The following SREK1IP1 variants were observed in gnomAD, a reference collection of about 807,000 sequenced individuals.
The protein encoded by SREK1IP1 is SREK1 interacting protein 1.
Under a neutral mutation model 22.8 loss-of-function variants are expected in SREK1IP1, and 12 were observed. The ratio of observed to expected loss-of-function variants is 0.53; its 90% CI spans 0.34 to 0.85. The LOEUF is 0.85. SREK1IP1 is among the 40% of genes least tolerant of loss of function. The pLI is 0.02. For missense variants in SREK1IP1, 147 were observed against 171.8 expected (o/e 0.86, Z 0.81); for synonymous variants, 53 against 52.7 (o/e 1.01, Z -0.02).
At chr5:64,765,297 C>T (rs1260390071) in intron 1 of SREK1IP1, among the ~76,000 whole-genome samples, 1 of 152,166 alleles carries the variant, frequency 6.6e-6, no homozygotes, top group Non-Finnish European at 1.5e-5. Flanking sequence ...ACGGGTGAAG[C>T]ACATGATCAT....
At chr5:64,732,974 G>A (rs1742403303) in intron 3 of SREK1IP1, among the ~76,000 whole-genome samples, 1 of 149,536 alleles carries the variant, frequency 6.7e-6, no homozygotes, top group Non-Finnish European at 1.5e-5. Context: ...TTTAAGAAAT[G>A]GTGTTGGAAC....
At chr5:64,738,317 A>C (rs1742498136) in intron 3 of SREK1IP1, among the ~76,000 whole-genome samples, 1 of 152,224 alleles carries the variant, frequency 6.6e-6, no homozygotes, top group Admixed American at 6.5e-5. Context: ...AGGAAGGCTA[A>C]AAATCAAATG....
At chr5:64,726,717 T>G (rs1017511050) in intron 4 of SREK1IP1, among the ~76,000 whole-genome samples, 1 of 152,110 alleles carries the variant, frequency 6.6e-6, no homozygotes, top group Non-Finnish European at 1.5e-5. Flanking sequence ...TGCCCTTAAA[T>G]ATGCTCAGAA....
At chr5:64,757,538 G>C (rs1742863909) in intron 1 of SREK1IP1, among the ~76,000 whole-genome samples, 1 of 152,188 alleles carries the variant, frequency 6.6e-6, no homozygotes, top group Non-Finnish European at 1.5e-5. Flanking sequence ...AGTAAATGCA[G>C]AACATTGCAT....
In SREK1IP1 at chr5:64,753,396, G is replaced by A. The variant is rs115427092; in HGVS notation, c.61+919C>T. On this transcript the variant is annotated intron_variant, in intron 2 of 4. Transcript: ENST00000513458. ...AGATTTCATTGCACTCATTTCTTGC[G>A]TGCAAGTACATTCTTCAGTTTTCAT... Among the ~76,000 whole-genome samples the A allele has an allele frequency of 3.8e-3, 574 of 152,266 alleles. 5 individuals carry two copies. Among genetic ancestry groups the A allele is most frequent in the African/African-American group, 0.012 (493 of 41,550 alleles).
chr5:64,739,989 G>A (rs765813991), intron 3 of SREK1IP1, among the ~76,000 whole-genome samples: 11 of 152,078 alleles, frequency 7.2e-5, no homozygotes, highest in Non-Finnish European at 1.0e-4. Flanking sequence ...CCTTGTCTAA[G>A]ATTATATTCA....
chr5:64,730,248 C>T (rs1313043012), intron 3 of SREK1IP1, among the ~76,000 whole-genome samples: 1 of 152,058 alleles, frequency 6.6e-6, no homozygotes, highest in Admixed American at 6.5e-5. Flanking sequence ...GATATAAAAA[C>T]GCCAAATAAA....
At position 64,728,103 on chromosome 5, in the gene SREK1IP1, A is replaced by G. The variant is rs1318269779; in HGVS notation, c.278+4T>C. ...TGTTTTTTAAAATGTTGTTCAAAAA[A>G]TACCTTTTCCTTTTTTTTTTCAATT... On this transcript the variant is annotated splice_donor_region_variant and intron_variant, in intron 4 of 4. Transcript: ENST00000513458. 2.9e-6 allele frequency: 4 copies of G among 1,370,190 alleles called. No individual in the cohort carries two copies. Among genetic ancestry groups the G allele is most frequent in the Non-Finnish European group, 3.8e-6 (4 of 1,053,992 alleles). The allele number at this position is 1,370,190 out of a possible 1,614,324, so 84.9% of individuals were successfully genotyped here.
chr5:64,730,289 AG>A (rs1227705217), intron 3 of SREK1IP1, among the ~76,000 whole-genome samples: 2 of 152,216 alleles, frequency 1.3e-5, no homozygotes, highest in African/African-American at 2.4e-5. Context: ...GACCTTGACA[AG>A]TGGACTGAAA....
intron 2 of SREK1IP1, among the ~76,000 whole-genome samples, chr5:64,750,134 T>C (rs1742715769): frequency 6.6e-6 from 1 of 152,218 alleles, no homozygotes. Flanking sequence ...ATAGCTTTTC[T>C]GGGTTCCCTG....
At chr5:64,757,431 C>T (rs764550791) in intron 1 of SREK1IP1, among the ~76,000 whole-genome samples, 3 of 152,154 alleles carry the variant, frequency 2.0e-5, no homozygotes, top group African/African-American at 4.8e-5. Flanking sequence ...TGTTCTACTA[C>T]AATACTTGTT....
intron 1 of SREK1IP1, among the ~76,000 whole-genome samples, chr5:64,765,485 AG>A (rs1423171902): frequency 1.3e-5 from 2 of 152,212 alleles, no homozygotes; most frequent in African/African-American, 4.8e-5. Flanking sequence ...AACCTTGAAA[AG>A]TTTAGATTAG....
At chr5:64,747,336 A>T (rs906308650) in intron 2 of SREK1IP1, among the ~76,000 whole-genome samples, 1 of 152,086 alleles carries the variant, frequency 6.6e-6, no homozygotes, top group Non-Finnish European at 1.5e-5. Flanking sequence ...TCCATCCTGA[A>T]ATTATCTAGG....
At position 64,754,491 on chromosome 5, in the gene SREK1IP1, G is replaced by A. The variant is rs188050207; in HGVS notation, c.14-129C>T. ...TCTTTTTTTTTGTTGTTGAGACAAG[G>A]TGTCACTCTGTCACCAAGGCTAGAG... On this transcript the variant is annotated intron_variant, in intron 1 of 4. Transcript: ENST00000513458. 40 of 810,946 alleles carry A rather than the reference G, an allele frequency of 4.9e-5. No individual in the cohort carries two copies. The African/African-American group carries it at 5.6e-4, about 11-fold the overall frequency. 50.2% of individuals were successfully genotyped at this position (810,946 alleles called of 1,614,324 possible).
Position 64,724,290 on chromosome 5 carries a change from T to A in SREK1IP1, c.*94A>T. The A allele has an allele frequency of 9.0e-7, 1 of 1,106,376 alleles. No individual in the cohort carries two copies. Among genetic ancestry groups the A allele is most frequent in the East Asian group, 2.5e-5 (1 of 40,166 alleles). 68.5% of individuals were successfully genotyped at this position (1,106,376 alleles called of 1,614,324 possible). A position where few individuals can be genotyped will look rare whatever the true frequency, so the allele number is the denominator to read the frequency against. On this transcript the variant is annotated 3_prime_UTR_variant, in exon 5 of 5. Transcript: ENST00000513458. The stretch of plus-strand genomic sequence containing the variant: ...TGTCTATATGGAAAAGGCTGTGATT[T>A]ATTGCAAAGCATAATATATAGCAAA...
chr5:64,761,824 T>G (rs1291916944), intron 1 of SREK1IP1, among the ~76,000 whole-genome samples: 6 of 152,242 alleles, frequency 3.9e-5, no homozygotes, highest in African/African-American at 1.4e-4. Context: ...CAAACATTTG[T>G]GATCTGTGCT....
intron 1 of SREK1IP1, among the ~76,000 whole-genome samples, chr5:64,762,862 G>A (rs1742974145): frequency 6.6e-6 from 1 of 151,898 alleles, no homozygotes; most frequent in Non-Finnish European, 1.5e-5. Context: ...GACCAACCTG[G>A]GCAATATGGT....
chr5:64,721,748 C>T lies in SREK1IP1; in HGVS notation c.*2636G>A, dbSNP rs1437183076. 1 of 152,052 alleles carries T rather than the reference C, an allele frequency of 6.6e-6. No individual in the cohort carries two copies. The highest frequency in any genetic ancestry group is 1.5e-5 in the Non-Finnish European group (1 of 68,012). 9.4% of individuals were successfully genotyped at this position (152,052 alleles called of 1,614,324 possible). On this transcript the variant is annotated 3_prime_UTR_variant, in exon 5 of 5. Transcript: ENST00000513458. ...AGAATATGAACCAAATATCAATTAT[C>T]TGCTTGAAGAAGTTGAACGTGTTTA...
At chr5:64,767,083 G>A (rs1246326430) in intron 1 of SREK1IP1, among the ~76,000 whole-genome samples, 1 of 152,136 alleles carries the variant, frequency 6.6e-6, no homozygotes, top group Non-Finnish European at 1.5e-5. Flanking sequence ...TCTCCCATCT[G>A]TATTTGAGTT....
Sources: gnomAD v4.1 joint callset for allele counts (sites outside exome capture counted in the v4.1 genomes callset) on GRCh38, gnomAD v4.1.1 for gene constraint, MANE v1.5 for transcripts, NCBI Gene and HGNC (gene_info 2026-07-23, HGNC 2026-07-21) for gene names.